Variants in ELOVL7 observed in about 807,000 individuals in gnomAD.
ELOVL7 encodes ELOVL fatty acid elongase 7.
In ELOVL7, 27 loss-of-function variants were observed where a neutral mutation model predicts 35.7. The observed-to-expected ratio is 0.76, with a 90% confidence interval of 0.56 to 1.04. The LOEUF is 1.04. Among genes scored for constraint, ELOVL7 ranks in the 50% least tolerant of loss-of-function variants. ELOVL7 has a pLI of 0.00. For synonymous variants in ELOVL7, 113 were observed against 114.6 expected, an observed-to-expected ratio of 0.99 and a Z score of 0.09; for missense variants, 327 against 340.8, an observed-to-expected ratio of 0.96 and a Z score of 0.32.
rs539635175 is a variant in ELOVL7, at chr5:60,837,333, T to C, written c.-86+6827A>G. Among the ~76,000 whole-genome samples the C allele has an allele frequency of 3.8e-3, 206 of 53,576 alleles. 5 individuals carry two copies. Among genetic ancestry groups the C allele is most frequent in the African/African-American group, 0.016 (193 of 11,950 alleles). 35.1% of individuals were successfully genotyped at this position (53,576 alleles called of 152,430 possible). A position where few individuals can be genotyped will look rare whatever the true frequency, so the allele number is the denominator to read the frequency against. ...GGGGGGGTGGGGGGGGAGTGGGGGG[T>C]GGGGGTGGCGCTTGTCAGGAGGCTG... On this transcript the variant is annotated intron_variant, in intron 1 of 8. Coordinates refer to ENST00000508821, the MANE Select transcript of ELOVL7 (RefSeq NM_024930.3).
chr5:60,792,114 A>G (rs1743975525), intron 2 of ELOVL7, among the ~76,000 whole-genome samples: 4 of 152,164 alleles, frequency 2.6e-5, no homozygotes, highest in Admixed American at 2.6e-4. Flanking sequence ...CCCAAACTAG[A>G]TGAGGCAGGA....
At position 60,758,985 on chromosome 5, in the gene ELOVL7, C is replaced by A. The variant is rs545077125; in HGVS notation, c.500-1340G>T. ...ATTACAGAAAGTTTAAAGGAAAATA[C>A]AAATTCATCACTTCTAATATGATCT... On this transcript the variant is annotated intron_variant, in intron 7 of 8. Transcript: ENST00000508821. Among the ~76,000 whole-genome samples, 32 of 152,134 alleles carry A rather than the reference C, an allele frequency of 2.1e-4. 1 individual carries two copies. In the Middle Eastern group the frequency reaches 0.031, roughly 147 times the overall value.
chr5:60,757,832 G>A (rs1012209443), intron 7 of ELOVL7, among the ~76,000 whole-genome samples, 187 bp from the exon 8 acceptor site: 3 of 152,082 alleles, frequency 2.0e-5, no homozygotes, highest in African/African-American at 7.2e-5. Context: ...TATAAGATAT[G>A]AACCTGAGAA....
At chr5:60,791,703 TA>T (rs1257148681) in intron 2 of ELOVL7, among the ~76,000 whole-genome samples, 6 of 152,142 alleles carry the variant, frequency 3.9e-5, no homozygotes, top group Non-Finnish European at 7.3e-5. Flanking sequence ...CCAATTGTCT[TA>T]GTATGAGTGT....
At chr5:60,765,667 C>T (rs1742192689) in intron 6 of ELOVL7, among the ~76,000 whole-genome samples, 1 of 152,142 alleles carries the variant, frequency 6.6e-6, no homozygotes, top group Non-Finnish European at 1.5e-5. Context: ...GTCGAGGCAG[C>T]TGTGTTTTAA....
intron 1 of ELOVL7, among the ~76,000 whole-genome samples, chr5:60,840,042 G>T (rs1228730675): frequency 6.6e-6 from 1 of 152,022 alleles, no homozygotes; most frequent in Non-Finnish European, 1.5e-5. Context: ...AAACTGATAA[G>T]CACAAGTGGC....
chr5:60,795,580 G>A (rs555208085), intron 2 of ELOVL7, among the ~76,000 whole-genome samples: 6 of 152,248 alleles, frequency 3.9e-5, no homozygotes, highest in South Asian at 4.1e-4. Context: ...CTTCTGGTCC[G>A]TGTTTGTTCT....
chr5:60,779,727 C>T (rs1561436232), intron 3 of ELOVL7, among the ~76,000 whole-genome samples: 1 of 152,234 alleles, frequency 6.6e-6, no homozygotes, highest in African/African-American at 2.4e-5. Flanking sequence ...GTCTTGGTGA[C>T]TAACATTCAG....
rs1232906608 is a variant in ELOVL7 at position 60,771,904 on chromosome 5, T to A, written c.254A>T (p.Glu85Val). The A allele has an allele frequency of 1.3e-6, 2 of 1,594,244 alleles. No homozygotes were observed. Among genetic ancestry groups the A allele is most frequent in the African/African-American group, 2.7e-5 (2 of 74,014 alleles). The change falls in exon 4 of 9, where the codon GAG (glutamate) becomes GTG (valine). Residue 85 changes from glutamate to valine, a missense_variant and splice_region_variant. Coordinates refer to ENST00000508821, the MANE Select transcript of ELOVL7 (RefSeq NM_024930.3). ...ATTAGGAATACTGAAGACACTTGCC[T>A]CATAACACATATACACAGAAAAGAG... ...IVLFSVYMCY[E>V]FVMSGWGIGY...
chr5:60,827,315 T>C (rs958954438), intron 1 of ELOVL7, among the ~76,000 whole-genome samples: 1 of 152,194 alleles, frequency 6.6e-6, no homozygotes, highest in Non-Finnish European at 1.5e-5. Context: ...GGATAATATA[T>C]AGTTTAATTC....
chr5:60,774,302 G>T (rs1422460681), intron 3 of ELOVL7, among the ~76,000 whole-genome samples: 1 of 152,134 alleles, frequency 6.6e-6, no homozygotes, highest in African/African-American at 2.4e-5. Flanking sequence ...AATTCACCAC[G>T]ATTAAGTGGG....
intron 8 of ELOVL7, among the ~76,000 whole-genome samples, chr5:60,757,260 T>G (rs1048923008): frequency 8.5e-5 from 13 of 152,128 alleles, no homozygotes; most frequent in Non-Finnish European, 2.9e-5. Flanking sequence ...ACAAATGTAT[T>G]TATTCTTGTA....
At chr5:60,779,255 T>C (rs186981624) in intron 3 of ELOVL7, among the ~76,000 whole-genome samples, 151 of 152,292 alleles carry the variant, frequency 9.9e-4, no homozygotes, top group Middle Eastern at 3.4e-3. Flanking sequence ...GGCCCTCTTC[T>C]CACAGCTCCA....
At position 60,753,493 on chromosome 5, in the gene ELOVL7, T is replaced by C. The variant is rs768536243; in HGVS notation, c.*1131A>G. 3 of 152,204 alleles carry C rather than the reference T, an allele frequency of 2.0e-5. No homozygotes were observed. The highest frequency in any genetic ancestry group is 4.4e-5 in the Non-Finnish European group (3 of 68,036). The allele number at this position is 152,204 out of a possible 1,614,324, so 9.4% of individuals were successfully genotyped here. Reference sequence around the variant, plus strand: ...ACATTAATTATATAATATATTACTATTATGTAGTCTGTCTGTCTCTCTCTC... The same window carrying C: ...ACATTAATTATATAATATATTACTACTATGTAGTCTGTCTGTCTCTCTCTC... On this transcript the variant is annotated 3_prime_UTR_variant, in exon 9 of 9. Coordinates refer to ENST00000508821, the MANE Select transcript of ELOVL7 (RefSeq NM_024930.3).
At chr5:60,838,140 C>A (rs747448586) in intron 1 of ELOVL7, among the ~76,000 whole-genome samples, 1 of 152,168 alleles carries the variant, frequency 6.6e-6, no homozygotes, top group African/African-American at 2.4e-5. Context: ...AAATCCAAAA[C>A]CTTTATGGGG....
At chr5:60,771,253 T>C (rs985166908) in intron 4 of ELOVL7, among the ~76,000 whole-genome samples, 1 of 152,084 alleles carries the variant, frequency 6.6e-6, no homozygotes, top group African/African-American at 2.4e-5. Flanking sequence ...GGCATGTTAA[T>C]AGCACAGGGG....
At chr5:60,808,291 T>C (rs1397490050) in intron 1 of ELOVL7, among the ~76,000 whole-genome samples, 2 of 152,022 alleles carry the variant, frequency 1.3e-5, no homozygotes, top group Non-Finnish European at 2.9e-5. Flanking sequence ...AAGTAACATA[T>C]TCAAATACAT....
At chr5:60,826,863 A>G (rs1746199923) in intron 1 of ELOVL7, among the ~76,000 whole-genome samples, 1 of 152,174 alleles carries the variant, frequency 6.6e-6, no homozygotes, top group Admixed American at 6.5e-5. Context: ...ACTCATTTCC[A>G]GAAACATTTT....
chr5:60,832,813 G>A lies in ELOVL7; in HGVS notation c.-86+11347C>T, dbSNP rs140892458. Among the ~76,000 whole-genome samples the A allele has an allele frequency of 3.2e-3, 494 of 152,332 alleles. 4 individuals are homozygous for A. The highest frequency in any genetic ancestry group is 0.011 in the African/African-American group (473 of 41,578). On this transcript the variant is annotated intron_variant, in intron 1 of 8. Coordinates refer to ENST00000508821, the MANE Select transcript of ELOVL7 (RefSeq NM_024930.3). The stretch of plus-strand genomic sequence containing the variant: ...GGGATAAACTCAAGTGCTAAGGGCA[G>A]AGAATAAGAAAAGGAAGAGGGCTGT...
Sources: allele counts gnomAD v4.1 joint callset (sites outside exome capture counted in the v4.1 genomes callset), GRCh38; gene constraint gnomAD v4.1.1; transcripts MANE v1.5; gene names NCBI Gene and HGNC (gene_info 2026-07-23, HGNC 2026-07-21).